The following ZNF248 variants were observed in gnomAD, a reference collection of about 807,000 sequenced individuals.
The protein encoded by ZNF248 is KRAB protein domain.
A neutral mutation model predicts 44.3 loss-of-function variants in ZNF248; 20 were observed. That is an observed-to-expected ratio of 0.45 (90% CI 0.32 to 0.66). ZNF248 has a LOEUF of 0.66. Ranked by LOEUF, ZNF248 falls within the 30% of genes least tolerant of loss-of-function variation. ZNF248 has a pLI of 0.04. For missense variants in ZNF248, 654 were observed against 677.0 expected, an observed-to-expected ratio of 0.97 and a Z score of 0.38; for synonymous variants, 224 against 229.0, an observed-to-expected ratio of 0.98 and a Z score of 0.20.
chr10:37,838,251 A>G, intron 3 of ZNF248, 140 bp from the exon 4 acceptor site: 1 of 652,772 alleles, frequency 1.5e-6, no homozygotes, highest in Non-Finnish European at 2.3e-6. Context: ...CAGAATACAA[A>G]ATATCTTGTA....
chr10:37,786,959 T>C (rs1047987839), intron 6 of ZNF248, among the ~76,000 whole-genome samples: 3 of 152,282 alleles, frequency 2.0e-5, no homozygotes, highest in Admixed American at 2.0e-4. Context: ...GAGAACAAAT[T>C]TGTAAAACTT....
chr10:37,847,195 C>CTTTTTA (rs886467485), intron 3 of ZNF248, among the ~76,000 whole-genome samples: 6 of 151,970 alleles, frequency 3.9e-5, no homozygotes, highest in African/African-American at 4.8e-5. Flanking sequence ...GCCCAGCTAA[C>CTTTTTA]TTTTTATTTT....
Position 37,798,112 on chromosome 10 carries a change from A to T in ZNF248, c.331-21537T>A, listed in dbSNP as rs370038677. On this transcript the variant is annotated intron_variant, in intron 6 of 6. Coordinates refer to the ZNF248 transcript ENST00000615949. ...TAAACTAAATTTGGTATATCTGTACAATGTAATACAACACAGCTTTAACAA... is the reference window on the plus strand; with the variant it reads ...TAAACTAAATTTGGTATATCTGTACTATGTAATACAACACAGCTTTAACAA... Among the ~76,000 whole-genome samples, 33 of 152,312 alleles carry T rather than the reference A, an allele frequency of 2.2e-4. No homozygotes were observed. The East Asian group carries it at 6.0e-3, about 28-fold the overall frequency.
At chr10:37,823,630 G>A (rs552344362) in intron 6 of ZNF248, among the ~76,000 whole-genome samples, 151 of 152,102 alleles carry the variant, frequency 9.9e-4, no homozygotes, top group Middle Eastern at 6.8e-3. Flanking sequence ...CTGGAGGGCA[G>A]AGGCACGATC....
At chr10:37,855,091 A>G (rs1423511520) in intron 3 of ZNF248, among the ~76,000 whole-genome samples, 1 of 152,248 alleles carries the variant, frequency 6.6e-6, no homozygotes, top group African/African-American at 2.4e-5. Flanking sequence ...GCAAATAAGA[A>G]TATACATACA....
Position 37,856,432 on chromosome 10 carries a change from TA to T in ZNF248, c.-28+2del. 6.7e-7 allele frequency: 1 copy of T among 1,500,038 alleles called. No homozygotes were observed. Among genetic ancestry groups the T allele is most frequent in the Non-Finnish European group, 8.9e-7 (1 of 1,122,336 alleles). The allele number at this position is 1,500,038 out of a possible 1,614,324, so 92.9% of individuals were successfully genotyped here. On this transcript the variant is annotated splice_donor_variant, in intron 2 of 5. Coordinates refer to ENST00000395867, the MANE Select transcript of ZNF248 (RefSeq NM_021045.3). LOFTEE classifies it low-confidence loss of function (5UTR_SPLICE). The stretch of plus-strand genomic sequence containing the variant: ...TATACAGGTCCACACACAAGATACT[TA>T]CGTGTCCATGTGTGGCTCCGATATA...
chr10:37,830,982 G>A lies in ZNF248; in HGVS notation c.*633C>T, dbSNP rs1386439203. ...ACAATCAGAACTTTTAAGTCAGTAT[G>A]AGGTTATACTAGCACATCACTATAT... On this transcript the variant is annotated 3_prime_UTR_variant, in exon 6 of 6. Transcript: ENST00000395867. 1.6e-6 allele frequency: 1 copy of A among 621,626 alleles called. No individual in the cohort carries two copies. Among genetic ancestry groups the A allele is most frequent in the Non-Finnish European group, 2.1e-6 (1 of 473,668 alleles). 38.5% of individuals were successfully genotyped at this position (621,626 alleles called of 1,614,324 possible). A position where few individuals can be genotyped will look rare whatever the true frequency, so the allele number is the denominator to read the frequency against.
chr10:37,784,833 G>C (rs987914726), intron 6 of ZNF248, among the ~76,000 whole-genome samples: 2 of 152,128 alleles, frequency 1.3e-5, no homozygotes, highest in Admixed American at 6.5e-5. Context: ...ATAAGTGTTT[G>C]GTAGAGGTTG....
chr10:37,776,115 C>T (rs2046565751), downstream of ZNF248, among the ~76,000 whole-genome samples: 1 of 152,164 alleles, frequency 6.6e-6, no homozygotes, highest in Admixed American at 6.5e-5. Context: ...GGCGTGAGAG[C>T]AGCTCAGAAT....
intron 6 of ZNF248, among the ~76,000 whole-genome samples, chr10:37,790,459 TC>T (rs1489651664): frequency 1.4e-4 from 21 of 151,448 alleles, no homozygotes; most frequent in Non-Finnish European, 2.8e-4. Flanking sequence ...ACGCCTGTAA[TC>T]AAGCACTTTA....
chr10:37,829,383 T>A lies in ZNF248; in HGVS notation c.*2232A>T. On this transcript the variant is annotated 3_prime_UTR_variant, in exon 6 of 6. Coordinates refer to ENST00000395867, the MANE Select transcript of ZNF248 (RefSeq NM_021045.3). ...ATTAAAATATTTTTAGTTGGAGAAT[T>A]CTGTTTTCCACCAGAAAGAACCATG... The A allele has an allele frequency of 1.0e-6, 1 of 985,442 alleles. No individual in the cohort carries two copies. Among genetic ancestry groups the A allele is most frequent in the Non-Finnish European group, 1.2e-6 (1 of 829,936 alleles). 61.0% of individuals were successfully genotyped at this position (985,442 alleles called of 1,614,324 possible).
intron 6 of ZNF248, chr10:37,794,632 A>T (rs188987007): frequency 6.2e-6 from 1 of 160,240 alleles, no homozygotes; most frequent in Admixed American, 6.5e-5. Context: ...TAACTTTGCA[A>T]AAAAGGTTAT....
At chr10:37,765,658 C>G in the ZNF248 span, among the ~76,000 whole-genome samples, 56 of 152,196 alleles carry the variant, frequency 3.7e-4, no homozygotes, top group Non-Finnish European at 6.6e-4. Flanking sequence ...CCAAGATGGC[C>G]GAATAGGAAC....
chr10:37,767,209 T>C, the ZNF248 span, among the ~76,000 whole-genome samples: 1 of 152,156 alleles, frequency 6.6e-6, no homozygotes, highest in African/African-American at 2.4e-5. Flanking sequence ...TGCAGGATAT[T>C]ATCCAGGAGA....
chr10:37,829,694 G>A lies in ZNF248; in HGVS notation c.*1921C>T. The A allele has an allele frequency of 3.0e-6, 3 of 985,372 alleles. No individual in the cohort carries two copies. The highest frequency in any genetic ancestry group is 3.6e-6 in the Non-Finnish European group (3 of 829,932). The allele number at this position is 985,372 out of a possible 1,614,324, so 61.0% of individuals were successfully genotyped here. A position where few individuals can be genotyped will look rare whatever the true frequency, so the allele number is the denominator to read the frequency against. On this transcript the variant is annotated 3_prime_UTR_variant, in exon 6 of 6. Coordinates refer to ENST00000395867, the MANE Select transcript of ZNF248 (RefSeq NM_021045.3). ...GTTATCTTCAGGCTACTGCCCTTCA[G>A]AGATAAAAACGATAAGCCAATACCA...
chr10:37,782,168 C>T (rs1008634353), intron 6 of ZNF248, among the ~76,000 whole-genome samples: 5 of 152,170 alleles, frequency 3.3e-5, no homozygotes. Flanking sequence ...AGCCAACCAC[C>T]ACTCCACCAA....
chr10:37,856,578 G>A, intron 1 of ZNF248, 46 bp from the exon 2 acceptor site: 1 of 1,137,040 alleles, frequency 8.8e-7, no homozygotes, highest in Non-Finnish European at 1.1e-6. Flanking sequence ...AGTTTAACAA[G>A]TTAACAGTAA....
chr10:37,841,912 A>G (rs2058416990), intron 3 of ZNF248, among the ~76,000 whole-genome samples: 1 of 152,204 alleles, frequency 6.6e-6, no homozygotes, highest in African/African-American at 2.4e-5. Flanking sequence ...GGGTTATCAA[A>G]AACAAGGAAA....
Position 37,829,687 on chromosome 10 carries a change from C to A in ZNF248, c.*1928G>T. The A allele has an allele frequency of 1.0e-6, 1 of 985,388 alleles. No individual in the cohort carries two copies. Among genetic ancestry groups the A allele is most frequent in the Non-Finnish European group, 1.2e-6 (1 of 829,948 alleles). The allele number at this position is 985,388 out of a possible 1,614,324, so 61.0% of individuals were successfully genotyped here. A position where few individuals can be genotyped will look rare whatever the true frequency, so the allele number is the denominator to read the frequency against. ...GTGCACTGTTATCTTCAGGCTACTG[C>A]CCTTCAGAGATAAAAACGATAAGCC... On this transcript the variant is annotated 3_prime_UTR_variant, in exon 6 of 6. Coordinates refer to ENST00000395867, the MANE Select transcript of ZNF248 (RefSeq NM_021045.3).
Sources: gnomAD v4.1 joint callset for allele counts (sites outside exome capture counted in the v4.1 genomes callset) on GRCh38, gnomAD v4.1.1 for gene constraint, MANE v1.5 for transcripts, NCBI Gene and HGNC (gene_info 2026-07-23, HGNC 2026-07-21) for gene names.